Variants in ANXA13 observed in about 807,000 individuals in gnomAD.
The protein encoded by ANXA13 is annexin A13, also known as annexin XIII.
Under a neutral mutation model 46.6 loss-of-function variants are expected in ANXA13, and 36 were observed. The observed-to-expected ratio is 0.77, with a 90% CI of 0.59 to 1.02. ANXA13 has a LOEUF of 1.02. ANXA13 is among the 50% of genes least tolerant of loss of function. ANXA13 has a pLI of 0.00. For synonymous variants in ANXA13, 163 were observed against 152.9 expected (o/e 1.07, Z -0.49); for missense variants, 417 against 396.5 (o/e 1.05, Z -0.44).
rs1178273375 is a variant in ANXA13 at position 123,690,232 on chromosome 8, T to TA, written c.643-1287dup. Among the ~76,000 whole-genome samples, 1 of 152,216 alleles carries TA rather than the reference T, an allele frequency of 6.6e-6. No individual in the cohort carries two copies. The highest frequency in any genetic ancestry group is 6.5e-5 in the Admixed American group (1 of 15,284). On this transcript the variant is annotated intron_variant, in intron 8 of 10. Coordinates refer to ENST00000419625, the MANE Select transcript of ANXA13 (RefSeq NM_004306.4). This position sits in a 1 kb window ranked among gnomAD's most constrained non-coding sequence, Gnocchi z 4.6. ...TTGTTCACACAGGTCTTGTTTACTT[T>TA]AAAAAATCCTCACATTAAACCGTTT...
At chr8:123,684,861 C>T (rs1162597517) in intron 9 of ANXA13, 139 bp from the exon 10 acceptor site, 6 of 640,284 alleles carry the variant, frequency 9.4e-6, no homozygotes, top group African/African-American at 9.1e-5. Flanking sequence ...TGACTTGACA[C>T]CGTTGCGAAA....
intron 4 of ANXA13, 87 bp downstream of exon 4, chr8:123,698,302 A>G (rs1373774969): frequency 6.9e-7 from 1 of 1,444,114 alleles, no homozygotes; most frequent in East Asian, 2.3e-5. Context: ...CATGGATAGA[A>G]TGCTGGGAAG....
At chr8:123,706,202 C>T (rs374402497) in intron 2 of ANXA13, among the ~76,000 whole-genome samples, 149 of 152,262 alleles carry the variant, frequency 9.8e-4, no homozygotes, top group South Asian at 3.1e-3. Context: ...TCGCCTCCAT[C>T]GTGGGAATCC....
At chr8:123,723,389 T>C (rs1478557631) in intron 1 of ANXA13, among the ~76,000 whole-genome samples, 2 of 152,190 alleles carry the variant, frequency 1.3e-5, no homozygotes, top group African/African-American at 4.8e-5. Context: ...ATCGAATTCT[T>C]CCAGTGGTGT....
In ANXA13 at chr8:123,712,771, A is replaced by C; in HGVS notation, c.16-18T>G. 2 of 1,611,864 alleles carry C rather than the reference A, an allele frequency of 1.2e-6. No individual in the cohort carries two copies. Among genetic ancestry groups the C allele is most frequent in the Non-Finnish European group, 1.7e-6 (2 of 1,177,920 alleles). On this transcript the variant is annotated intron_variant, in intron 1 of 10. Coordinates refer to ENST00000419625, the MANE Select transcript of ANXA13 (RefSeq NM_004306.4). Reference sequence around the variant, plus strand: ...GCTTTAGCCTGGAGAAAATAATTGAAAAGGTGAGATGACAATATACGCATT... The same window carrying C: ...GCTTTAGCCTGGAGAAAATAATTGACAAGGTGAGATGACAATATACGCATT...
At chr8:123,704,181 A>C (rs1479812058) in intron 2 of ANXA13, among the ~76,000 whole-genome samples, 5 of 152,152 alleles carry the variant, frequency 3.3e-5, no homozygotes, top group Non-Finnish European at 7.4e-5. Flanking sequence ...ACATCCATGC[A>C]GGGTGTGCAC....
intron 2 of ANXA13, among the ~76,000 whole-genome samples, chr8:123,709,312 C>T (rs1586327429): frequency 1.3e-5 from 2 of 151,416 alleles, no homozygotes; most frequent in East Asian, 1.9e-4. Flanking sequence ...ATTCACTCTC[C>T]CTCCCTCCCT....
intron 1 of ANXA13, among the ~76,000 whole-genome samples, chr8:123,722,378 G>GAAAGAA (rs1813898293): frequency 1.7e-5 from 2 of 119,168 alleles, no homozygotes; most frequent in Non-Finnish European, 3.9e-5. Flanking sequence ...AAGAAAGAAA[G>GAAAGAA]AAAGAAAGAA....
chr8:123,700,614 A>G (rs1813426795), intron 3 of ANXA13, among the ~76,000 whole-genome samples: 1 of 152,186 alleles, frequency 6.6e-6, no homozygotes, highest in Non-Finnish European at 1.5e-5. Context: ...TTAAGTTTTA[A>G]CAGGGCCCCT....
chr8:123,711,218 T>C (rs1040058868), intron 2 of ANXA13, among the ~76,000 whole-genome samples: 1 of 152,200 alleles, frequency 6.6e-6, no homozygotes, highest in Admixed American at 6.5e-5. Context: ...TACCACTCAC[T>C]GAGCAATGTC....
At chr8:123,694,605 C>A (rs909207856) in intron 6 of ANXA13, among the ~76,000 whole-genome samples, 1 of 152,128 alleles carries the variant, frequency 6.6e-6, no homozygotes, top group Non-Finnish European at 1.5e-5. Flanking sequence ...ATTCTGCCAA[C>A]AATTAATGAG....
rs916821396 is a variant in ANXA13 at position 123,690,470 on chromosome 8, A to G, written c.643-1524T>C. 2.0e-5 allele frequency among the ~76,000 whole-genome samples: 3 copies of G among 152,162 alleles called. No individual in the cohort carries two copies. Among genetic ancestry groups the G allele is most frequent in the African/African-American group, 7.2e-5 (3 of 41,442 alleles). On this transcript the variant is annotated intron_variant, in intron 8 of 10. Coordinates refer to ENST00000419625, the MANE Select transcript of ANXA13 (RefSeq NM_004306.4). The surrounding 1 kb of genome is among the most constrained non-coding windows in gnomAD (Gnocchi z 4.6). Reference sequence around the variant, plus strand: ...GAGGCGCTATTCACACACTGCAACAAGAAGGTACTGCCCTGTCTGCTTCCT... The same window carrying G: ...GAGGCGCTATTCACACACTGCAACAGGAAGGTACTGCCCTGTCTGCTTCCT...
At chr8:123,683,927 C>A (rs1420216486) in intron 10 of ANXA13, among the ~76,000 whole-genome samples, 3 of 152,182 alleles carry the variant, frequency 2.0e-5, no homozygotes, top group Non-Finnish European at 4.4e-5. Flanking sequence ...GTTGGCTCTT[C>A]CTCTCCCTTT....
chr8:123,703,291 A>T (rs1813479593), intron 2 of ANXA13, among the ~76,000 whole-genome samples: 1 of 150,894 alleles, frequency 6.6e-6, no homozygotes, highest in South Asian at 2.1e-4. Context: ...TTCGTATGAA[A>T]GTCCGGAACA....
At chr8:123,689,004 T>C in intron 8 of ANXA13, 58 bp from the exon 9 acceptor site, 16 of 1,546,882 alleles carry the variant, frequency 1.0e-5, no homozygotes, top group Non-Finnish European at 1.4e-5. Context: ...CTTAGTACTC[T>C]TGGGGTTGTT....
Position 123,695,530 on chromosome 8 carries a change from A to G in ANXA13, c.443T>C (p.Leu148Pro), listed in dbSNP as rs1468040227. Reference protein sequence around the residue: ...SDVKGDTSGNLKKILVSLLQA... With the variant: ...SDVKGDTSGNPKKILVSLLQA... Reference sequence around the variant, plus strand: ...CAGCAGAGACACCAGGATTTTTTTTAGGTTTCCACTTGTATCACCTTTGAC... The same window carrying G: ...CAGCAGAGACACCAGGATTTTTTTTGGGTTTCCACTTGTATCACCTTTGAC... Residue 148 changes from leucine to proline, a missense_variant, in exon 6 of 11, where the codon CTA (leucine) becomes CCA (proline). Coordinates refer to ENST00000419625, the MANE Select transcript of ANXA13 (RefSeq NM_004306.4). 2.5e-6 allele frequency: 4 copies of G among 1,613,944 alleles called. No individual in the cohort carries two copies. Among genetic ancestry groups the G allele is most frequent in the Non-Finnish European group, 3.4e-6 (4 of 1,179,924 alleles).
intron 1 of ANXA13, among the ~76,000 whole-genome samples, chr8:123,730,953 A>G (rs531779260): frequency 6.6e-6 from 1 of 152,304 alleles, no homozygotes; most frequent in East Asian, 1.9e-4. Flanking sequence ...CCGGGTTTCA[A>G]TGCCATCATC....
intron 1 of ANXA13, among the ~76,000 whole-genome samples, chr8:123,721,101 C>T (rs1464061214): frequency 6.6e-6 from 1 of 152,104 alleles, no homozygotes; most frequent in African/African-American, 2.4e-5. Context: ...TTTTAGGTAC[C>T]TCATGTAAGT....
chr8:123,711,789 A>T (rs1165978418), intron 2 of ANXA13: 1 of 151,966 alleles, frequency 6.6e-6, no homozygotes, highest in African/African-American at 2.4e-5. Context: ...TAATTTTTGT[A>T]TTTTTAGTGG....
Sources: gnomAD v4.1 joint callset for allele counts (sites outside exome capture counted in the v4.1 genomes callset) on GRCh38, gnomAD v4.1.1 for gene constraint, Gnocchi (gnomAD v3.1) non-coding constraint, MANE v1.5 for transcripts, NCBI Gene and HGNC (gene_info 2026-07-23, HGNC 2026-07-21) for gene names.